The following GLCCI1 variants were observed in gnomAD, a reference collection of about 807,000 sequenced individuals.
GLCCI1 encodes glucocorticoid induced 1.
GLCCI1 carries 24 observed loss-of-function variants against 52.2 expected under a neutral mutation model. The observed-to-expected ratio is 0.46, with a 90% CI of 0.33 to 0.65. The LOEUF is 0.65. Among genes scored for constraint, GLCCI1 ranks in the 30% least tolerant of loss-of-function variants. The pLI is 0.02. For synonymous variants in GLCCI1, 310 were observed against 276.5 expected (o/e 1.12, Z -1.20); for missense variants, 704 against 701.5 (o/e 1.00, Z -0.04).
In GLCCI1 at chr7:8,088,074, A is replaced by AATT. The variant is rs1783155739; in HGVS notation, c.*1538_*1540dup. On this transcript the variant is annotated 3_prime_UTR_variant, in exon 8 of 8. Transcript: ENST00000223145. ...AAGTGTATGGCACAATTTTCTTAAG[A>AATT]ATTAGGGGAACCAGGTGCCTACAGT... is the stretch of plus-strand genomic sequence containing the variant. 4 of 152,226 alleles carry AATT rather than the reference A, an allele frequency of 2.6e-5. No individual in the cohort carries two copies. Among genetic ancestry groups the AATT allele is most frequent in the Admixed American group, 1.3e-4 (2 of 15,282 alleles). 9.4% of individuals were successfully genotyped at this position (152,226 alleles called of 1,614,324 possible).
chr7:8,066,031 G>C (rs146589273), intron 5 of GLCCI1, among the ~76,000 whole-genome samples: 4 of 152,140 alleles, frequency 2.6e-5, no homozygotes, highest in African/African-American at 4.8e-5. Flanking sequence ...ATGTGGTTCA[G>C]GGCTCTTTCT....
chr7:8,046,831 A>G lies in GLCCI1; in HGVS notation c.697-8602A>G, dbSNP rs1782139780. ...ATTTGGCTCAGAATAAATACCTTCA[A>G]ATACAGAGTTTGACTTTTTTTGTTG... On this transcript the variant is annotated intron_variant, in intron 3 of 7. Coordinates refer to ENST00000223145, the MANE Select transcript of GLCCI1 (RefSeq NM_138426.4). Among the ~76,000 whole-genome samples, 2 of 152,166 alleles carry G rather than the reference A, an allele frequency of 1.3e-5. 1 individual carries two copies. Among genetic ancestry groups the G allele is most frequent in the South Asian group, 4.1e-4 (2 of 4,830 alleles).
At chr7:8,003,076 G>C (rs1583962299) in intron 1 of GLCCI1, among the ~76,000 whole-genome samples, 1 of 152,164 alleles carries the variant, frequency 6.6e-6, no homozygotes, top group Non-Finnish European at 1.5e-5. Context: ...TTTTTGTATA[G>C]CTCTGAATAA....
chr7:8,023,588 CTTTTTTTTTTTT>C (rs571726894), intron 3 of GLCCI1, among the ~76,000 whole-genome samples: 25 of 41,990 alleles, frequency 6.0e-4, no homozygotes, highest in East Asian at 4.7e-3. Context: ...CTCTGTTATT[CTTTTTTTTTTTT>C]TTTTTTTTTT....
At chr7:7,978,462 G>A (rs867221191) in intron 1 of GLCCI1, among the ~76,000 whole-genome samples, 1 of 151,936 alleles carries the variant, frequency 6.6e-6, no homozygotes, top group South Asian at 2.1e-4. Context: ...CTTCTTTTAG[G>A]TTTGTTGATG....
At chr7:8,020,591 G>GAT (rs1336410532) in intron 2 of GLCCI1, among the ~76,000 whole-genome samples, 3 of 152,120 alleles carry the variant, frequency 2.0e-5, no homozygotes, top group Admixed American at 6.5e-5. Flanking sequence ...GTAAGTTGGA[G>GAT]ATACAGTATA....
intron 6 of GLCCI1, among the ~76,000 whole-genome samples, chr7:8,081,803 T>C (rs1302954997): frequency 1.3e-5 from 2 of 152,204 alleles, no homozygotes. Context: ...TGTGATCTGT[T>C]TTAAAACAGC....
intron 3 of GLCCI1, among the ~76,000 whole-genome samples, chr7:8,039,894 G>A (rs1024461996): frequency 6.6e-6 from 1 of 151,704 alleles, no homozygotes; most frequent in African/African-American, 2.4e-5. Context: ...TTACTTGGGC[G>A]GTTGAGGCAG....
rs111785133 is a variant in GLCCI1 at position 8,069,003 on chromosome 7, T to G, written c.967-1918T>G. On this transcript the variant is annotated intron_variant, in intron 5 of 7. Transcript: ENST00000223145. ...TGCTCAGCCACGTGGCTCTTCTGTA[T>G]TTCCTCACTATTGCAGCTGCGCTCC... 2.6e-4 allele frequency among the ~76,000 whole-genome samples: 39 copies of G among 152,310 alleles called. 1 individual carries two copies. The highest frequency in any genetic ancestry group is 5.8e-4 in the African/African-American group (24 of 41,560).
Position 7,980,878 on chromosome 7 carries a change from T to G in GLCCI1, c.457+11071T>G, listed in dbSNP as rs572045722. 4.1e-4 allele frequency: 264 copies of G among 644,882 alleles called. No homozygotes were observed. In the African/African-American group the frequency reaches 4.4e-3, roughly 11 times the overall value. The allele number at this position is 644,882 out of a possible 1,614,324, so 39.9% of individuals were successfully genotyped here. A position where few individuals can be genotyped will look rare whatever the true frequency, so the allele number is the denominator to read the frequency against. On this transcript the variant is annotated intron_variant, in intron 1 of 7. Coordinates refer to ENST00000223145, the MANE Select transcript of GLCCI1 (RefSeq NM_138426.4). ...ATCAGGATAAATTATATAGTGATTT[T>G]AGATGGTCCATTTTGATGACATTCC...
intron 4 of GLCCI1, among the ~76,000 whole-genome samples, chr7:8,057,751 A>C (rs1230989538): frequency 6.6e-6 from 1 of 152,178 alleles, no homozygotes. Flanking sequence ...TACAATTAAC[A>C]TATTGTTTGT....
Position 8,086,700 on chromosome 7 carries a change from A to G in GLCCI1, c.*162A>G, listed in dbSNP as rs1783114317. On this transcript the variant is annotated 3_prime_UTR_variant, in exon 8 of 8. Coordinates refer to ENST00000223145, the MANE Select transcript of GLCCI1 (RefSeq NM_138426.4). The surrounding 1 kb of genome is among the most constrained non-coding windows in gnomAD (Gnocchi z 4.4). The stretch of plus-strand genomic sequence containing the variant: ...TGATCTTGGCAGGGACGGAACTCCT[A>G]TTCAGCAGTTTTTGTGGAAAGCAGT... 2 of 628,832 alleles carry G rather than the reference A, an allele frequency of 3.2e-6. No individual in the cohort carries two copies. The highest frequency in any genetic ancestry group is 1.8e-5 in the African/African-American group (1 of 54,590). The allele number at this position is 628,832 out of a possible 1,614,324, so 39.0% of individuals were successfully genotyped here.
At chr7:8,031,679 A>G (rs529245037) in intron 3 of GLCCI1, among the ~76,000 whole-genome samples, 22 of 152,176 alleles carry the variant, frequency 1.4e-4, no homozygotes, top group African/African-American at 1.7e-4. Flanking sequence ...TATACCTACT[A>G]TGTACCCACA....
At chr7:8,019,210 A>G (rs1214524689) in intron 2 of GLCCI1, among the ~76,000 whole-genome samples, 1 of 152,180 alleles carries the variant, frequency 6.6e-6, no homozygotes, top group Non-Finnish European at 1.5e-5. Flanking sequence ...AATGTTCTAT[A>G]TTTGTGTTGT....
chr7:8,076,147 C>G (rs1390398394), intron 6 of GLCCI1, among the ~76,000 whole-genome samples: 4 of 152,146 alleles, frequency 2.6e-5, no homozygotes, highest in African/African-American at 9.7e-5. Context: ...TATGCCCTTA[C>G]TATGCTTTAA....
intron 6 of GLCCI1, among the ~76,000 whole-genome samples, chr7:8,080,448 G>A (rs1330253853): frequency 2.0e-5 from 3 of 151,438 alleles, no homozygotes; most frequent in Non-Finnish European, 4.4e-5. Context: ...TTGCATAGTA[G>A]TCTATAGAAT....
intron 1 of GLCCI1, among the ~76,000 whole-genome samples, chr7:7,977,255 CAT>C (rs1348323816): frequency 1.3e-5 from 2 of 152,112 alleles, no homozygotes; most frequent in Non-Finnish European, 2.9e-5. Flanking sequence ...TTATTGATAA[CAT>C]ATACATAAAA....
chr7:8,086,568 T>C lies in GLCCI1; in HGVS notation c.*30T>C. 6.6e-7 allele frequency: 1 copy of C among 1,513,428 alleles called. No homozygotes were observed. Among genetic ancestry groups the C allele is most frequent in the South Asian group, 1.3e-5 (1 of 77,148 alleles). The allele number at this position is 1,513,428 out of a possible 1,614,324, so 93.7% of individuals were successfully genotyped here. A position where few individuals can be genotyped will look rare whatever the true frequency, so the allele number is the denominator to read the frequency against. On this transcript the variant is annotated 3_prime_UTR_variant, in exon 8 of 8. Coordinates refer to ENST00000223145, the MANE Select transcript of GLCCI1 (RefSeq NM_138426.4). The surrounding 1 kb of genome is among the most constrained non-coding windows in gnomAD (Gnocchi z 4.4). ...GGGGGAGCTGGCCTCCACCCTATGT[T>C]CCATGGATTCGGAACAAGATTTCAG...
At chr7:8,083,006 A>G (rs1014093514) in intron 6 of GLCCI1, among the ~76,000 whole-genome samples, 2 of 152,198 alleles carry the variant, frequency 1.3e-5, no homozygotes, top group African/African-American at 4.8e-5. Flanking sequence ...TGCTAATGGT[A>G]TCAAGCTGAT....
Sources: allele counts gnomAD v4.1 joint callset (sites outside exome capture counted in the v4.1 genomes callset), GRCh38; gene constraint gnomAD v4.1.1; non-coding constraint Gnocchi (gnomAD v3.1); transcripts MANE v1.5; gene names NCBI Gene and HGNC (gene_info 2026-07-23, HGNC 2026-07-21).